The following ZSWIM6 variants were observed in gnomAD, a reference collection of about 807,000 sequenced individuals.
The protein encoded by ZSWIM6 is zinc finger SWIM domain-containing protein 6.
A neutral mutation model predicts 113.2 loss-of-function variants in ZSWIM6; 9 were observed. The observed-to-expected ratio is 0.08, with a 90% CI of 0.05 to 0.14. ZSWIM6 has a LOEUF of 0.14. ZSWIM6 is among the 10% of genes least tolerant of loss of function. The pLI, the probability that ZSWIM6 is intolerant of heterozygous loss-of-function variation, is 1.00. For synonymous variants in ZSWIM6, 611 were observed against 606.5 expected (o/e 1.01, Z -0.11); for missense variants, 1,162 against 1,552.2 (o/e 0.75, Z 4.22).
chr5:61,420,870 T>A (rs1323380137), intron 1 of ZSWIM6, among the ~76,000 whole-genome samples: 1 of 152,072 alleles, frequency 6.6e-6, no homozygotes, highest in Non-Finnish European at 1.5e-5. Flanking sequence ...TATTTTTGAC[T>A]ATAGTCACCC....
chr5:61,389,297 T>G (rs1745651859), intron 1 of ZSWIM6, among the ~76,000 whole-genome samples: 1 of 151,706 alleles, frequency 6.6e-6, no homozygotes, highest in Admixed American at 6.6e-5. Flanking sequence ...AGCTCATGCC[T>G]GTAATCCTAG....
At chr5:61,500,880 T>TAGG (rs1748447785) in intron 4 of ZSWIM6, among the ~76,000 whole-genome samples, 1 of 152,260 alleles carries the variant, frequency 6.6e-6, no homozygotes, top group Non-Finnish European at 1.5e-5. Context: ...TGGCCTGAAC[T>TAGG]AGGCGCTGAT....
chr5:61,494,121 A>G, intron 3 of ZSWIM6, 139 bp from the exon 4 acceptor site: 2 of 871,176 alleles, frequency 2.3e-6, no homozygotes, highest in Non-Finnish European at 3.4e-6. Flanking sequence ...CCTATCCTCC[A>G]CCACACACAC....
intron 2 of ZSWIM6, among the ~76,000 whole-genome samples, chr5:61,484,557 A>T (rs961956017): frequency 2.0e-5 from 3 of 152,218 alleles, no homozygotes; most frequent in Non-Finnish European, 2.9e-5. Context: ...ACATTTATGT[A>T]AAGAATCTAT....
At chr5:61,439,595 A>G (rs527743271) in intron 1 of ZSWIM6, among the ~76,000 whole-genome samples, 40 of 152,284 alleles carry the variant, frequency 2.6e-4, no homozygotes, top group Admixed American at 7.8e-4. Context: ...TGTTGCTTGT[A>G]GCATCATCAT....
At position 61,403,882 on chromosome 5, in the gene ZSWIM6, C is replaced by T. The variant is rs546553415; in HGVS notation, c.677-68799C>T. ...GAGGAAATTAAATTATGTGGGAATT[C>T]ACTCCCTGAAGTATATTTTTGAGTA... On this transcript the variant is annotated intron_variant, in intron 1 of 13. Transcript: ENST00000252744. Among the ~76,000 whole-genome samples the T allele has an allele frequency of 1.2e-4, 19 of 152,298 alleles. No homozygotes were observed. In the East Asian group the frequency reaches 3.7e-3, roughly 29 times the overall value.
intron 4 of ZSWIM6, 119 bp downstream of exon 4, chr5:61,494,529 G>A: frequency 7.7e-7 from 1 of 1,306,770 alleles, no homozygotes; most frequent in Non-Finnish European, 1.0e-6. Context: ...CATGGAACGT[G>A]TTGCCAATAT....
intron 1 of ZSWIM6, among the ~76,000 whole-genome samples, chr5:61,431,616 G>C (rs1281271330): frequency 6.7e-6 from 1 of 149,612 alleles, no homozygotes; most frequent in Non-Finnish European, 1.5e-5. Flanking sequence ...GTGGTGGTGG[G>C]CGCCTGTAGT....
intron 1 of ZSWIM6, among the ~76,000 whole-genome samples, chr5:61,403,752 T>C (rs997409250): frequency 2.0e-5 from 3 of 152,202 alleles, no homozygotes; most frequent in African/African-American, 7.2e-5. Context: ...GAAACCTTTT[T>C]TGGCCAGTGT....
In ZSWIM6 at chr5:61,546,001, A is replaced by G. The variant is rs1352395816; in HGVS notation, c.*1684A>G. On this transcript the variant is annotated 3_prime_UTR_variant, in exon 14 of 14. Coordinates refer to ENST00000252744, the MANE Select transcript of ZSWIM6 (RefSeq NM_020928.2). ...ATTTTATTTATTATAATAGGTAAAA[A>G]GAAAAAAAAAGGTTGTAATTCATCA... is the stretch of plus-strand genomic sequence containing the variant. 1 of 152,222 alleles carries G rather than the reference A, an allele frequency of 6.6e-6. No individual in the cohort carries two copies. The highest frequency in any genetic ancestry group is 2.4e-5 in the African/African-American group (1 of 41,466). The allele number at this position is 152,222 out of a possible 1,614,324, so 9.4% of individuals were successfully genotyped here.
At chr5:61,477,348 C>T (rs756485716) in intron 2 of ZSWIM6, among the ~76,000 whole-genome samples, 34 of 152,174 alleles carry the variant, frequency 2.2e-4, no homozygotes, top group Non-Finnish European at 4.6e-4. Flanking sequence ...GAGATGCCAT[C>T]TCAGCTAGCC....
At chr5:61,481,685 G>A (rs903977441) in intron 2 of ZSWIM6, among the ~76,000 whole-genome samples, 5 of 151,850 alleles carry the variant, frequency 3.3e-5, no homozygotes, top group African/African-American at 1.2e-4. Context: ...AGTAGACAGG[G>A]GACGCCAAAG....
At chr5:61,542,055 T>C (rs2112294605) in intron 13 of ZSWIM6, 90 bp downstream of exon 13, 8 of 1,175,546 alleles carry the variant, frequency 6.8e-6, no homozygotes, top group Middle Eastern at 2.0e-4. Flanking sequence ...ATTCACTCTT[T>C]TATGTTGACT....
At chr5:61,522,090 T>TG (rs778974963) in intron 5 of ZSWIM6, among the ~76,000 whole-genome samples, 2,456 of 142,152 alleles carry the variant, frequency 0.017, 26 homozygotes, top group Non-Finnish European at 0.027. Flanking sequence ...GTTTTTTTTG[T>TG]TTGTTTTTTT....
chr5:61,497,106 GAA>G (rs34912981), intron 4 of ZSWIM6, among the ~76,000 whole-genome samples: 67 of 119,742 alleles, frequency 5.6e-4, no homozygotes, highest in Admixed American at 7.6e-4. Context: ...AGTACACCAG[GAA>G]AAAAAAAAAA....
chr5:61,385,347 C>T (rs996388543), intron 1 of ZSWIM6, among the ~76,000 whole-genome samples: 11 of 152,220 alleles, frequency 7.2e-5, no homozygotes, highest in African/African-American at 2.7e-4. Flanking sequence ...ATTCTCGGCT[C>T]ACTCTTGAGT....
At chr5:61,462,276 T>G (rs2112169693) in intron 1 of ZSWIM6, among the ~76,000 whole-genome samples, 1 of 152,346 alleles carries the variant, frequency 6.6e-6, no homozygotes, top group Non-Finnish European at 1.5e-5. Context: ...GAAAATAATT[T>G]TATATACCTC....
chr5:61,332,333 G>A lies in ZSWIM6; in HGVS notation c.61G>A (p.Gly21Ser). The A allele has an allele frequency of 9.5e-7, 1 of 1,055,462 alleles. No individual in the cohort carries two copies. The highest frequency in any genetic ancestry group is 1.2e-6 in the Non-Finnish European group (1 of 861,864). 65.4% of individuals were successfully genotyped at this position (1,055,462 alleles called of 1,614,324 possible). The change falls in exon 1 of 14, where the codon GGC becomes AGC. Residue 21 changes from glycine to serine, a missense_variant. Physicochemically the swap from Gly to Ser is moderately conservative, Grantham distance 56 (BLOSUM62 0). This residue lies in a region of ZSWIM6 where 333 missense variants were observed against 293.4 expected (regional missense o/e 1.13). Transcript: ENST00000252744. ...ACGGCTTTGCTGCCGGCCGGGCGGC[G>A]GCGGCGGCGGCGGGGGCAGCAGCGG... Reference protein sequence around the residue: ...AKRLCCRPGGGGGGGGSSGGG... With the variant: ...AKRLCCRPGGSGGGGGSSGGG...
chr5:61,347,395 T>C (rs1744680263), intron 1 of ZSWIM6: 1 of 167,750 alleles, frequency 6.0e-6, no homozygotes. Context: ...GAGCTGACCA[T>C]GGAGCAGTGA....
Sources: gnomAD v4.1 joint callset for allele counts (sites outside exome capture counted in the v4.1 genomes callset) on GRCh38, gnomAD v4.1.1 for gene constraint, gnomAD v4.1.1 regional missense constraint, MANE v1.5 for transcripts, NCBI Gene and HGNC (gene_info 2026-07-23, HGNC 2026-07-21) for gene names.